The following DIAPH1 variants were observed in gnomAD, a reference collection of about 807,000 sequenced individuals.
DIAPH1 encodes diaphanous related formin 1, also known as protein diaphanous homolog 1.
Under a neutral mutation model 140.7 loss-of-function variants are expected in DIAPH1, and 46 were observed. That is an observed-to-expected ratio of 0.33 (90% CI 0.26 to 0.42). The LOEUF is 0.42. Ranked by LOEUF, DIAPH1 falls within the 10% of genes least tolerant of loss-of-function variation. The pLI is 1.00. For missense variants in DIAPH1, 1,310 were observed against 1,558.7 expected (o/e 0.84, Z 2.69); for synonymous variants, 565 against 551.6 (o/e 1.02, Z -0.34).
intron 1 of DIAPH1, 188 bp downstream of exon 1, chr5:141,618,610 G>T: frequency 2.0e-6 from 1 of 492,712 alleles, no homozygotes; most frequent in Non-Finnish European, 3.7e-6. Flanking sequence ...GAGCCGGGTG[G>T]GATTCCGGGG....
At chr5:141,602,620 C>T (rs2154597133) in intron 1 of DIAPH1, among the ~76,000 whole-genome samples, 2 of 152,276 alleles carry the variant, frequency 1.3e-5, no homozygotes, top group Middle Eastern at 6.8e-3. Flanking sequence ...GTTCTGTTGT[C>T]TCAGAGGACT....
At chr5:141,602,557 G>C (rs2099900315) in intron 1 of DIAPH1, among the ~76,000 whole-genome samples, 1 of 152,208 alleles carries the variant, frequency 6.6e-6, no homozygotes, top group Admixed American at 6.5e-5. Context: ...GGAATGTAAA[G>C]TCAGGGTAAG....
chr5:141,573,566 C>A lies in DIAPH1; in HGVS notation c.2284G>T (p.Val762Phe). Residue 762 changes from valine to phenylalanine, a missense_variant, in exon 16 of 28, where the codon GTT becomes TTT. This residue lies in a region of DIAPH1 where 589 missense variants were observed against 549.3 expected (regional missense o/e 1.07). Transcript: ENST00000389054. ...TTGGGGGTTAATCCAAATGGCAGAA[C>A]TGGGGCTGCAGGAACTCCAAATCCA... ...PFGFGVPAAP[V>F]LPFGLTPKKL... 6.2e-7 allele frequency: 1 copy of A among 1,612,134 alleles called. No individual in the cohort carries two copies. The highest frequency in any genetic ancestry group is 8.5e-7 in the Non-Finnish European group (1 of 1,178,944).
chr5:141,526,019 A>G lies in DIAPH1; in HGVS notation c.3574+19T>C. 1 of 1,613,524 alleles carries G rather than the reference A, an allele frequency of 6.2e-7. No homozygotes were observed. The highest frequency in any genetic ancestry group is 8.5e-7 in the Non-Finnish European group (1 of 1,179,948). The stretch of plus-strand genomic sequence containing the variant: ...CCAACATTCCTATCTCAGCCCATCA[A>G]CCCGTCTTCACTCCTCACCTGCATT... On this transcript the variant is annotated intron_variant, in intron 26 of 27. Transcript: ENST00000389054.
chr5:141,555,915 T>C (rs2099892497), intron 18 of DIAPH1, among the ~76,000 whole-genome samples: 2 of 152,134 alleles, frequency 1.3e-5, no homozygotes, highest in South Asian at 4.1e-4. Flanking sequence ...CAATCTAGTC[T>C]CCACAGACCA....
chr5:141,520,776 G>A (rs1194196003), intron 27 of DIAPH1, among the ~76,000 whole-genome samples: 2 of 152,142 alleles, frequency 1.3e-5, no homozygotes, highest in Non-Finnish European at 2.9e-5. Flanking sequence ...CCATACTGTG[G>A]GTTCACTGCT....
Position 141,616,972 on chromosome 5 carries a change from T to C in DIAPH1, c.117+1826A>G, listed in dbSNP as rs114330187. 3.2e-3 allele frequency among the ~76,000 whole-genome samples: 483 copies of C among 152,258 alleles called. 1 individual carries two copies. Among genetic ancestry groups the C allele is most frequent in the Middle Eastern group, 0.01 (3 of 294 alleles). On this transcript the variant is annotated intron_variant, in intron 1 of 27. Transcript: ENST00000389054. Reference sequence around the variant, plus strand: ...TCACCTTACAGTACCACACACATAGTAGACTTCACAAGTTCGTGAAATAAT... The same window carrying C: ...TCACCTTACAGTACCACACACATAGCAGACTTCACAAGTTCGTGAAATAAT...
intron 18 of DIAPH1, among the ~76,000 whole-genome samples, chr5:141,567,520 C>T (rs931121144): frequency 2.0e-5 from 3 of 152,180 alleles, no homozygotes; most frequent in Non-Finnish European, 4.4e-5. Flanking sequence ...TTGACTAGTA[C>T]CTCTAGTCCT....
At chr5:141,521,767 C>T (rs2099886577) in intron 27 of DIAPH1, among the ~76,000 whole-genome samples, 1 of 152,180 alleles carries the variant, frequency 6.6e-6, no homozygotes, top group Admixed American at 6.5e-5. Flanking sequence ...AATTCAGTAG[C>T]TGCATAGAGA....
At chr5:141,560,923 G>A (rs571398042) in intron 18 of DIAPH1, 2 of 456,028 alleles carry the variant, frequency 4.4e-6, no homozygotes, top group East Asian at 7.0e-5. Flanking sequence ...AGCCAGGAAA[G>A]GGTGGGGAAA....
rs765531203 is a variant in DIAPH1 at position 141,575,126 on chromosome 5, G to T, written c.1482C>A (p.Ala494=). The T allele has an allele frequency of 2.0e-5, 32 of 1,613,982 alleles. No individual in the cohort carries two copies. Among genetic ancestry groups the T allele is most frequent in the Non-Finnish European group, 2.7e-5 (32 of 1,180,032 alleles). The change falls in exon 15 of 28, where the codon GCC becomes GCA. Residue 494 remains alanine, a synonymous_variant. Transcript: ENST00000389054. ...LEKKLDSELT[A]RHELQVEMKK... ...TCATTTCCACCTGTAGCTCATGTCG[G>T]GCTGTTAACTCTGAGTCCAACTAGA... is the stretch of plus-strand genomic sequence containing the variant.
At chr5:141,534,837 A>T (rs1245248134) in intron 18 of DIAPH1, among the ~76,000 whole-genome samples, 3 of 152,214 alleles carry the variant, frequency 2.0e-5, no homozygotes, top group African/African-American at 7.2e-5. Context: ...GTGTTCCATT[A>T]AAACTTGATT....
Position 141,516,727 on chromosome 5 carries a change from G to T in DIAPH1, c.*124C>A. The T allele has an allele frequency of 1.9e-6, 2 of 1,040,366 alleles. No individual in the cohort carries two copies. Among genetic ancestry groups the T allele is most frequent in the Non-Finnish European group, 2.9e-6 (2 of 687,718 alleles). The allele number at this position is 1,040,366 out of a possible 1,614,324, so 64.4% of individuals were successfully genotyped here. On this transcript the variant is annotated 3_prime_UTR_variant, in exon 28 of 28. Coordinates refer to ENST00000389054, the MANE Select transcript of DIAPH1 (RefSeq NM_005219.5). ...GAGAGAGCAGCAGGCCAGAGAGAAA[G>T]ACAGGGTCAGGGTGGTGGGAGTGGC...
intron 18 of DIAPH1, among the ~76,000 whole-genome samples, chr5:141,562,620 CAAACAAAAAAAAA>C (rs2099893754): frequency 7.6e-6 from 1 of 130,782 alleles, no homozygotes; most frequent in South Asian, 2.5e-4. Flanking sequence ...AAAAAAAAAA[CAAACAAAAAAAAA>C]CAGATAACAG....
At chr5:141,566,540 C>G (rs2099894402) in intron 18 of DIAPH1, among the ~76,000 whole-genome samples, 1 of 152,120 alleles carries the variant, frequency 6.6e-6, no homozygotes, top group African/African-American at 2.4e-5. Flanking sequence ...CAATGAATAA[C>G]AAAGATTACA....
rs1353583066 is a variant in DIAPH1, at chr5:141,526,311, G to A, written c.3424C>T (p.Arg1142Trp). 3 of 1,614,132 alleles carry A rather than the reference G, an allele frequency of 1.9e-6. No individual in the cohort carries two copies. The highest frequency in any genetic ancestry group is 2.5e-6 in the Non-Finnish European group (3 of 1,180,020). ...CCCTTGCTCACCAAAAACATATTCC[G>A]AAAATTGTGAAGATCCATGAAAAAT... Reference protein sequence around the residue: ...EEFFMDLHNFRNMFLQAVKEN... With the variant: ...EEFFMDLHNFWNMFLQAVKEN... The change falls in exon 25 of 28, where the codon CGG becomes TGG. Residue 1142 changes from arginine (R) to tryptophan (W), a missense_variant. By Grantham distance (101) the Arg-to-Trp change is moderately radical. This residue lies in a region of DIAPH1 where 344 missense variants were observed against 512.2 expected (regional missense o/e 0.67). Transcript: ENST00000389054.
intron 1 of DIAPH1, chr5:141,588,996 A>C (rs552613280): frequency 1.4e-4 from 21 of 152,826 alleles, no homozygotes; most frequent in Admixed American, 1.3e-3. Flanking sequence ...GAATCCTTGG[A>C]TAAAACAGAA....
intron 27 of DIAPH1, among the ~76,000 whole-genome samples, chr5:141,520,254 G>A (rs564267510): frequency 6.6e-6 from 1 of 152,274 alleles, no homozygotes; most frequent in East Asian, 1.9e-4. Context: ...AAAAGTAGGG[G>A]GGAGAATAAG....
chr5:141,547,146 G>A (rs2099890925), intron 18 of DIAPH1, among the ~76,000 whole-genome samples: 1 of 152,186 alleles, frequency 6.6e-6, no homozygotes, highest in Non-Finnish European at 1.5e-5. Context: ...AATGAAGACG[G>A]AGAAGTTCAT....
Sources: gnomAD v4.1 joint callset for allele counts (sites outside exome capture counted in the v4.1 genomes callset) on GRCh38, gnomAD v4.1.1 for gene constraint, gnomAD v4.1.1 regional missense constraint, MANE v1.5 for transcripts, NCBI Gene and HGNC (gene_info 2026-07-23, HGNC 2026-07-21) for gene names.